Variants in ZXDC observed in about 807,000 individuals in gnomAD.
ZXDC encodes ZXD family zinc finger C.
In ZXDC, 58 loss-of-function variants were observed where a neutral mutation model predicts 63.6. The ratio of observed to expected loss-of-function variants is 0.91; its 90% CI spans 0.74 to 1.13. The LOEUF is 1.13. Among genes scored for constraint, ZXDC ranks in the 50% most tolerant of loss-of-function variants. ZXDC has a pLI of 0.00. For synonymous variants in ZXDC, 561 were observed against 496.1 expected, an observed-to-expected ratio of 1.13 and a Z score of -1.74; for missense variants, 1,133 against 1,148.9, an observed-to-expected ratio of 0.99 and a Z score of 0.20.
intron 8 of ZXDC, chr3:126,441,473 G>A: frequency 8.4e-7 from 1 of 1,190,404 alleles, no homozygotes; most frequent in Non-Finnish European, 1.0e-6. Flanking sequence ...GGGCAGGGAG[G>A]CGGGCTACTC....
chr3:126,439,488 C>G lies in ZXDC; in HGVS notation c.2490+144G>C. On this transcript the variant is annotated intron_variant, in intron 9 of 9. Transcript: ENST00000389709. ...CTCACCCACCTTCTCCAGAAGGCAG[C>G]AAGACATCCTGGCAACCAACCCACT... 2.2e-6 allele frequency: 3 copies of G among 1,389,750 alleles called. No homozygotes were observed. The East Asian group carries it at 7.5e-5, about 35-fold the overall frequency. The allele number at this position is 1,389,750 out of a possible 1,614,324, so 86.1% of individuals were successfully genotyped here.
intron 9 of ZXDC, among the ~76,000 whole-genome samples, chr3:126,439,237 A>T (rs9860012): frequency 6.6e-6 from 1 of 152,256 alleles, no homozygotes; most frequent in African/African-American, 2.4e-5. Context: ...CGCTTTCGCT[A>T]TTTCATATCA....
At position 126,475,429 on chromosome 3, in the gene ZXDC, G is replaced by C. The variant is rs1935164454; in HGVS notation, c.437C>G (p.Ala146Gly). The change falls in exon 1 of 10, where the codon GCG becomes GGG. Residue 146 changes from alanine (A) to glycine (G), a missense_variant. Coordinates refer to ENST00000389709, the MANE Select transcript of ZXDC (RefSeq NM_025112.5). ...TGCGGGGCCGGGCGGCGCAGACAGC[G>C]CGAGGACGCCGCGGTCGAGACGCAC... ...LLVRLDRGVL[A>G]LSAPPGPATA... The C allele has an allele frequency of 8.4e-7, 1 of 1,185,554 alleles. No homozygotes were observed. The highest frequency in any genetic ancestry group is 1.6e-5 in the African/African-American group (1 of 61,784). The allele number at this position is 1,185,554 out of a possible 1,614,324, so 73.4% of individuals were successfully genotyped here.
At chr3:126,448,216 T>A (rs1933955914) in intron 7 of ZXDC, among the ~76,000 whole-genome samples, 1 of 152,238 alleles carries the variant, frequency 6.6e-6, no homozygotes, top group Non-Finnish European at 1.5e-5. Context: ...GTTAGCTTTA[T>A]ACATTAAATT....
At chr3:126,463,852 A>T (rs542952130) in intron 5 of ZXDC, among the ~76,000 whole-genome samples, 152 of 152,360 alleles carry the variant, frequency 1.0e-3, no homozygotes, top group Non-Finnish European at 1.8e-3. Flanking sequence ...TCTACAAAAG[A>T]AGTCTATTCT....
At chr3:126,462,427 A>G (rs1193000742) in intron 5 of ZXDC, among the ~76,000 whole-genome samples, 1 of 152,180 alleles carries the variant, frequency 6.6e-6, no homozygotes, top group Non-Finnish European at 1.5e-5. Context: ...AGGAAGGGAC[A>G]CTGGCTGAAA....
At chr3:126,448,068 G>C (rs800946) in intron 7 of ZXDC, among the ~76,000 whole-genome samples, 76,779 of 151,846 alleles carry the variant, frequency 0.51, 21,421 homozygotes, top group Non-Finnish European at 0.62. Context: ...GTGGGGACAC[G>C]AGGACCTACA....
chr3:126,440,107 C>T (rs905466678), intron 8 of ZXDC: 40 of 1,031,550 alleles, frequency 3.9e-5, no homozygotes, highest in Non-Finnish European at 4.1e-5. Context: ...AGCAAATCCT[C>T]GGGCCCCACA....
At chr3:126,450,054 C>T (rs1242078850) in intron 7 of ZXDC, among the ~76,000 whole-genome samples, 1 of 152,156 alleles carries the variant, frequency 6.6e-6, no homozygotes, top group African/African-American at 2.4e-5. Flanking sequence ...CTACCTTTCC[C>T]TGAGACAGTC....
chr3:126,460,217 T>A (rs1934470956), intron 6 of ZXDC: 1 of 881,802 alleles, frequency 1.1e-6, no homozygotes, highest in Non-Finnish European at 1.4e-6. Flanking sequence ...TACACAAAAA[T>A]AATAATGATG....
In ZXDC at chr3:126,438,183, G is replaced by C; in HGVS notation, c.*192C>G. 1.6e-6 allele frequency: 1 copy of C among 607,790 alleles called. No individual in the cohort carries two copies. Among genetic ancestry groups the C allele is most frequent in the East Asian group, 2.8e-5 (1 of 35,872 alleles). The allele number at this position is 607,790 out of a possible 1,614,324, so 37.6% of individuals were successfully genotyped here. On this transcript the variant is annotated 3_prime_UTR_variant, in exon 10 of 10. Transcript: ENST00000389709. The stretch of plus-strand genomic sequence containing the variant: ...CTTTGCTCACAAAGGCAGTTTCAAA[G>C]AGTATAGCCCGAACTCATTCCTGGT...
At chr3:126,440,832 C>T in intron 8 of ZXDC, 2 of 986,544 alleles carry the variant, frequency 2.0e-6, no homozygotes, top group Non-Finnish European at 2.4e-6. Context: ...CAGGCTGCCC[C>T]TCCTCTTGCC....
At chr3:126,446,104 C>T (rs1933872901) in intron 7 of ZXDC, among the ~76,000 whole-genome samples, 1 of 152,162 alleles carries the variant, frequency 6.6e-6, no homozygotes, top group South Asian at 2.1e-4. Context: ...CAATGGACAA[C>T]CACAAACCCT....
chr3:126,461,084 T>G, intron 6 of ZXDC: 5 of 960,816 alleles, frequency 5.2e-6, no homozygotes, highest in Non-Finnish European at 6.2e-6. Flanking sequence ...ACCCCACCCT[T>G]TTTTTTTTTC....
rs1248027480 is a variant in ZXDC, at chr3:126,438,013, C to A, written c.*362G>T. ...ACAGATCAAGCTGCATCTGACTAGA[C>A]AGCCTGTTCTCTACCCTATTTCCTG... On this transcript the variant is annotated 3_prime_UTR_variant, in exon 10 of 10. Transcript: ENST00000389709. 1 of 255,336 alleles carries A rather than the reference C, an allele frequency of 3.9e-6. No individual in the cohort carries two copies. Among genetic ancestry groups the A allele is most frequent in the Admixed American group, 5.1e-5 (1 of 19,592 alleles). 15.8% of individuals were successfully genotyped at this position (255,336 alleles called of 1,614,324 possible).
At position 126,472,048 on chromosome 3, in the gene ZXDC, T is replaced by A; in HGVS notation, c.1064A>T (p.Glu355Val). The A allele has an allele frequency of 2.5e-6, 4 of 1,612,128 alleles. No individual in the cohort carries two copies. The highest frequency in any genetic ancestry group is 3.4e-6 in the Non-Finnish European group (4 of 1,179,506). Residue 355 changes from glutamate (E) to valine (V), a missense_variant, in exon 3 of 10, where the codon GAA becomes GTA. Glu to Val is a moderately radical substitution (Grantham distance 121). Coordinates refer to ENST00000389709, the MANE Select transcript of ZXDC (RefSeq NM_025112.5). ...LKIHLRSHTG[E>V]RPFICDSDSC... Reference sequence around the variant, plus strand: ...GTCAGAGTCACAAATAAATGGTCTTTCACCTTATAAAAGAAAAAATTATAC... The same window carrying A: ...GTCAGAGTCACAAATAAATGGTCTTACACCTTATAAAAGAAAAAATTATAC...
At chr3:126,455,305 A>C (rs917806042) in intron 7 of ZXDC, among the ~76,000 whole-genome samples, 1 of 152,234 alleles carries the variant, frequency 6.6e-6, no homozygotes, top group Non-Finnish European at 1.5e-5. Context: ...TAATATATGT[A>C]CCATATTATC....
chr3:126,471,663 T>A (rs9853574), intron 3 of ZXDC, among the ~76,000 whole-genome samples: 2,926 of 151,964 alleles, frequency 0.019, 69 homozygotes, highest in African/African-American at 0.064. Context: ...TGAAAACTTG[T>A]AATTACATGA....
Position 126,439,713 on chromosome 3 carries a change from G to A in ZXDC, c.2409C>T (p.Gly803=), listed in dbSNP as rs759254095. ...CGCGGGCCGAGGGCAGGACACCTTC[G>A]CCGGAGGGGTCATCCTGGGAAGGCA... ...QVQLVQDDPS[G]EGVLPSARGP... The change falls in exon 9 of 10, where the codon GGC becomes GGT. Residue 803 remains glycine, a synonymous_variant. Coordinates refer to ENST00000389709, the MANE Select transcript of ZXDC (RefSeq NM_025112.5). The A allele has an allele frequency of 6.4e-6, 10 of 1,551,370 alleles. No homozygotes were observed. Among genetic ancestry groups the A allele is most frequent in the Admixed American group, 3.9e-5 (2 of 51,024 alleles).
Sources: allele counts gnomAD v4.1 joint callset (sites outside exome capture counted in the v4.1 genomes callset), GRCh38; gene constraint gnomAD v4.1.1; transcripts MANE v1.5; gene names NCBI Gene and HGNC (gene_info 2026-07-23, HGNC 2026-07-21).